SNX29: variants seen among roughly 807,000 people sequenced by gnomAD.
SNX29 encodes sorting nexin 29.
In SNX29, 78 loss-of-function variants were observed where a neutral mutation model predicts 102.1. The ratio of observed to expected loss-of-function variants is 0.76; its 90% CI spans 0.64 to 0.92. The LOEUF is 0.92. Among genes scored for constraint, SNX29 ranks in the 40% least tolerant of loss-of-function variants. The pLI is 0.00. For synonymous variants in SNX29, 580 were observed against 414.5 expected (o/e 1.40, Z -4.85); for missense variants, 1,280 against 1,061.7 (o/e 1.21, Z -2.86).
chr16:12,392,853 C>T lies in SNX29; in HGVS notation c.1900-5593C>T, dbSNP rs117166923. 1.5e-3 allele frequency among the ~76,000 whole-genome samples: 226 copies of T among 152,246 alleles called. 9 individuals are homozygous for T. The East Asian group carries it at 0.038, about 26-fold the overall frequency. ...CTAACAGAGAACCCTGAAAGTGCTC[C>T]AGAACTGGGGGGCTTTGTCCTGAAG... On this transcript the variant is annotated intron_variant, in intron 16 of 20. Coordinates refer to ENST00000566228, the MANE Select transcript of SNX29 (RefSeq NM_032167.5).
chr16:12,084,480 A>G (rs1335946913), intron 11 of SNX29, among the ~76,000 whole-genome samples: 1 of 152,248 alleles, frequency 6.6e-6, no homozygotes, highest in African/African-American at 2.4e-5. Context: ...ATTCTGCCTC[A>G]GGGATGCCTT....
intron 19 of SNX29, among the ~76,000 whole-genome samples, chr16:12,486,865 A>G (rs923444664): frequency 6.6e-6 from 1 of 152,104 alleles, no homozygotes; most frequent in Non-Finnish European, 1.5e-5. Context: ...GCTTGTAAGA[A>G]CTTCCCTGTT....
intron 16 of SNX29, among the ~76,000 whole-genome samples, chr16:12,361,568 T>C (rs148764610): frequency 2.5e-3 from 375 of 152,270 alleles, no homozygotes; most frequent in African/African-American, 8.8e-3. Context: ...ATGATGGCCA[T>C]TTTGCAGAAG....
chr16:12,552,265 G>T (rs951570481), intron 20 of SNX29, among the ~76,000 whole-genome samples: 1 of 152,162 alleles, frequency 6.6e-6, no homozygotes, highest in South Asian at 2.1e-4. Context: ...GGGCTCGTAA[G>T]CCCTGGCCAG....
intron 18 of SNX29, among the ~76,000 whole-genome samples, chr16:12,430,866 T>C (rs2151626691): frequency 6.7e-6 from 1 of 149,126 alleles, no homozygotes; most frequent in African/African-American, 2.5e-5. Context: ...TTTTTTTTTT[T>C]TTGAGATGGA....
At chr16:11,984,068 T>C (rs2055499138) in intron 1 of SNX29, among the ~76,000 whole-genome samples, 3 of 152,164 alleles carry the variant, frequency 2.0e-5, no homozygotes, top group African/African-American at 7.2e-5. Flanking sequence ...ATGAAAAAGA[T>C]TGAGCTGGAC....
chr16:12,367,815 C>G (rs991232983), intron 16 of SNX29, among the ~76,000 whole-genome samples: 4 of 152,210 alleles, frequency 2.6e-5, no homozygotes, highest in African/African-American at 4.8e-5. Context: ...CATCTGCCGT[C>G]TTGAAGGAGA....
intron 20 of SNX29, among the ~76,000 whole-genome samples, chr16:12,562,550 A>C (rs1233181584): frequency 2.6e-5 from 4 of 152,168 alleles, no homozygotes; most frequent in Non-Finnish European, 5.9e-5. Flanking sequence ...GAGTCATCTA[A>C]GACACTGTCC....
chr16:12,466,681 C>T (rs2087067683), intron 18 of SNX29, among the ~76,000 whole-genome samples: 1 of 152,212 alleles, frequency 6.6e-6, no homozygotes, highest in Admixed American at 6.5e-5. Context: ...TGAACCAAAG[C>T]ATGGATAGTT....
At chr16:12,205,888 G>T (rs945444317) in intron 14 of SNX29, among the ~76,000 whole-genome samples, 7 of 152,312 alleles carry the variant, frequency 4.6e-5, no homozygotes, top group African/African-American at 7.2e-5. Context: ...TCCATGACAC[G>T]TGCTCTATAA....
intron 14 of SNX29, among the ~76,000 whole-genome samples, chr16:12,204,802 C>T (rs1048687797): frequency 6.6e-6 from 1 of 152,238 alleles, no homozygotes; most frequent in African/African-American, 2.4e-5. Flanking sequence ...TCCACACCCA[C>T]ATGTGCTTCG....
intron 15 of SNX29, among the ~76,000 whole-genome samples, chr16:12,331,429 C>A (rs1036999859): frequency 6.6e-6 from 1 of 152,274 alleles, no homozygotes; most frequent in South Asian, 2.1e-4. Flanking sequence ...GCATAGCGTA[C>A]GTATAGGTGC....
intron 19 of SNX29, chr16:12,515,632 C>A: frequency 2.1e-6 from 1 of 485,510 alleles, no homozygotes; most frequent in Middle Eastern, 3.1e-4. Flanking sequence ...GCCTTCCTGT[C>A]CTAGCCACCC....
At chr16:12,493,475 C>G (rs897888271) in intron 19 of SNX29, among the ~76,000 whole-genome samples, 1 of 152,262 alleles carries the variant, frequency 6.6e-6, no homozygotes, top group Non-Finnish European at 1.5e-5. Flanking sequence ...ATCATGTCAT[C>G]TGCAAACAGG....
chr16:12,167,983 A>G (rs1251938632), intron 13 of SNX29, among the ~76,000 whole-genome samples: 1 of 152,150 alleles, frequency 6.6e-6, no homozygotes, highest in Non-Finnish European at 1.5e-5. Flanking sequence ...CTGTTCTGGA[A>G]CCCAAGCTCT....
chr16:12,175,455 C>A (rs2076238762), intron 13 of SNX29, among the ~76,000 whole-genome samples: 1 of 151,702 alleles, frequency 6.6e-6, no homozygotes, highest in African/African-American at 2.4e-5. Flanking sequence ...AAGATGAAAC[C>A]CCTTCTCTGC....
At chr16:12,541,610 C>G (rs1413593974) in intron 20 of SNX29, among the ~76,000 whole-genome samples, 1 of 152,188 alleles carries the variant, frequency 6.6e-6, no homozygotes, top group Non-Finnish European at 1.5e-5. Flanking sequence ...ACACTCTGGG[C>G]CACATCTCTG....
At chr16:12,535,902 G>T (rs2077063554) in intron 20 of SNX29, among the ~76,000 whole-genome samples, 1 of 152,166 alleles carries the variant, frequency 6.6e-6, no homozygotes, top group African/African-American at 2.4e-5. Flanking sequence ...CTTCTTTGAG[G>T]TTAATTGAAG....
intron 15 of SNX29, among the ~76,000 whole-genome samples, chr16:12,355,328 T>A (rs1422453908): frequency 6.6e-6 from 1 of 152,234 alleles, no homozygotes; most frequent in African/African-American, 2.4e-5. Flanking sequence ...ATCCCTCCTT[T>A]ACTCTGACAG....
Sources: gnomAD v4.1 joint callset for allele counts (sites outside exome capture counted in the v4.1 genomes callset) on GRCh38, gnomAD v4.1.1 for gene constraint, MANE v1.5 for transcripts, NCBI Gene and HGNC (gene_info 2026-07-23, HGNC 2026-07-21) for gene names.